Variants in ACTR5 observed in about 807,000 individuals in gnomAD.
The protein encoded by ACTR5 is actin related protein 5.
Under a neutral mutation model 61.2 loss-of-function variants are expected in ACTR5, and 43 were observed. The observed-to-expected ratio is 0.70, with a 90% confidence interval of 0.55 to 0.91. The LOEUF (loss-of-function observed/expected upper bound fraction) is 0.91. Among genes scored for constraint, ACTR5 ranks in the 40% least tolerant of loss-of-function variants. ACTR5 has a pLI of 0.00. For missense variants in ACTR5, 798 were observed against 782.2 expected, an observed-to-expected ratio of 1.02 and a Z score of -0.24; for synonymous variants, 333 against 310.5, an observed-to-expected ratio of 1.07 and a Z score of -0.76.
chr20:38,768,295 T>C (rs2084500149), intron 8 of ACTR5, among the ~76,000 whole-genome samples: 1 of 152,104 alleles, frequency 6.6e-6, no homozygotes, highest in African/African-American at 2.4e-5. Context: ...TGTAATAAAC[T>C]CTCAGACATG....
At position 38,754,978 on chromosome 20, in the gene ACTR5, C is replaced by G. The variant is rs776014468; in HGVS notation, c.797C>G (p.Pro266Arg). 6.2e-7 allele frequency: 1 copy of G among 1,614,168 alleles called. No homozygotes were observed. Among genetic ancestry groups the G allele is most frequent in the Non-Finnish European group, 8.5e-7 (1 of 1,180,036 alleles). ...GAAGAATTACACAAATGGCGGTGTC[C>G]TGATTATTATGAGAATAATGTCCAC... ...YVEELHKWRCPDYYENNVHKM... is the reference protein window; with the variant it reads ...YVEELHKWRCRDYYENNVHKM... The change falls in exon 4 of 9, where the codon CCT becomes CGT. Residue 266 changes from proline (P) to arginine (R), a missense_variant. Pro to Arg is a moderately radical substitution (Grantham distance 103). Transcript: ENST00000243903.
rs111586858 is a variant in ACTR5 at position 38,767,471 on chromosome 20, A to G, written c.1441A>G (p.Lys481Glu). The G allele has an allele frequency of 0.02, 32,884 of 1,613,872 alleles. 415 individuals are homozygous for G. Among genetic ancestry groups the G allele is most frequent in the Middle Eastern group, 0.069 (420 of 6,060 alleles). Residue 481 changes from lysine to glutamate, a missense_variant, in exon 8 of 9, where the codon AAG (lysine) becomes GAG (glutamate). Transcript: ENST00000243903. The part of the protein sequence containing the change: ...TLQYILDRYP[K>E]DIQEMLVQNV... ...GAGTTGTTTCTTTCCTAGGTACCCA[A>G]AGGACATTCAGGAAATGCTGGTTCA... is the stretch of plus-strand genomic sequence containing the variant.
At chr20:38,762,673 G>C (rs981882913) in intron 5 of ACTR5, among the ~76,000 whole-genome samples, 2 of 152,182 alleles carry the variant, frequency 1.3e-5, no homozygotes, top group Admixed American at 6.5e-5. Flanking sequence ...GAGGGATGAC[G>C]GCAAAAGTGA....
At position 38,752,274 on chromosome 20, in the gene ACTR5, G is replaced by A; in HGVS notation, c.749G>A (p.Ser250Asn). The part of the protein sequence containing the change: ...SRMEEILHEH[S>N]YIAEDYVEEL... ...ATGGAGGAGATTCTGCATGAGCACA[G>A]CTACATCGCTGAGGATTATGTGGAA... Residue 250 changes from serine (S) to asparagine (N), a missense_variant, in exon 3 of 9, where the codon AGC (serine) becomes AAC (asparagine). Coordinates refer to ENST00000243903, the MANE Select transcript of ACTR5 (RefSeq NM_024855.4). 1 of 1,612,242 alleles carries A rather than the reference G, an allele frequency of 6.2e-7. No homozygotes were observed.
intron 3 of ACTR5, 65 bp downstream of exon 3, chr20:38,752,365 G>A (rs1184634030): frequency 6.7e-7 from 1 of 1,495,326 alleles, no homozygotes; most frequent in African/African-American, 1.4e-5. Context: ...TTAAATTATT[G>A]CCAGCATGAT....
chr20:38,751,275 A>C (rs2084385692), intron 2 of ACTR5, among the ~76,000 whole-genome samples: 1 of 152,228 alleles, frequency 6.6e-6, no homozygotes, highest in African/African-American at 2.4e-5. Flanking sequence ...AAATGAGATA[A>C]GGTAGGTAAT....
chr20:38,768,748 A>C (rs2084503009), intron 8 of ACTR5, among the ~76,000 whole-genome samples: 1 of 152,138 alleles, frequency 6.6e-6, no homozygotes, highest in South Asian at 2.1e-4. Context: ...CCCAATATCC[A>C]AGTTCCCAGA....
chr20:38,764,534 G>C (rs911539676), intron 5 of ACTR5, among the ~76,000 whole-genome samples: 5 of 152,174 alleles, frequency 3.3e-5, no homozygotes, highest in African/African-American at 9.7e-5. Flanking sequence ...GGTTCATTGT[G>C]GTCATAGAGG....
chr20:38,767,429 T>C, intron 7 of ACTR5, 35 bp from the exon 8 acceptor site: 1 of 1,585,578 alleles, frequency 6.3e-7, no homozygotes. Context: ...GATATTTGAG[T>C]TAAGGGACTA....
chr20:38,751,780 C>T (rs1280864847), intron 2 of ACTR5, among the ~76,000 whole-genome samples: 1 of 152,200 alleles, frequency 6.6e-6, no homozygotes, highest in Non-Finnish European at 1.5e-5. Flanking sequence ...GGCCCCACCC[C>T]AGAGCAGCTG....
rs2084524959 is a variant in ACTR5 at position 38,772,400 on chromosome 20, C to T, written c.*584C>T. ...GAGGCTATCGTGTGCTGTGATCGCA[C>T]CTGTGAATAACCACTGCACTCCAGC... On this transcript the variant is annotated 3_prime_UTR_variant, in exon 9 of 9. Coordinates refer to ENST00000243903, the MANE Select transcript of ACTR5 (RefSeq NM_024855.4). The T allele has an allele frequency of 6.5e-6, 1 of 154,838 alleles. No individual in the cohort carries two copies. Among genetic ancestry groups the T allele is most frequent in the Non-Finnish European group, 1.4e-5 (1 of 69,898 alleles). 9.6% of individuals were successfully genotyped at this position (154,838 alleles called of 1,614,324 possible). A position where few individuals can be genotyped will look rare whatever the true frequency, so the allele number is the denominator to read the frequency against.
chr20:38,754,685 C>G (rs1017111483), intron 3 of ACTR5, among the ~76,000 whole-genome samples: 2 of 152,162 alleles, frequency 1.3e-5, no homozygotes, highest in Admixed American at 6.5e-5. Context: ...CACCACTGCA[C>G]TCCAGCTAGG....
chr20:38,768,559 G>T (rs1471148361), intron 8 of ACTR5, among the ~76,000 whole-genome samples: 2 of 152,224 alleles, frequency 1.3e-5, no homozygotes, highest in Non-Finnish European at 2.9e-5. Flanking sequence ...AACCAGGGAA[G>T]CTTGTAGGAG....
intron 5 of ACTR5, among the ~76,000 whole-genome samples, chr20:38,756,815 A>C (rs1239707800): frequency 6.6e-6 from 1 of 152,222 alleles, no homozygotes; most frequent in Non-Finnish European, 1.5e-5. Context: ...GAGGCAGGAG[A>C]ATCACTTGAA....
At chr20:38,771,269 G>A (rs1030163464) in intron 8 of ACTR5, among the ~76,000 whole-genome samples, 7 of 152,220 alleles carry the variant, frequency 4.6e-5, no homozygotes, top group African/African-American at 1.7e-4. Flanking sequence ...GACAGCTTGT[G>A]GTTGACAGCA....
rs1460079421 is a variant in ACTR5, at chr20:38,767,579, T to G, written c.1549T>G (p.Phe517Val). 1 of 1,612,602 alleles carries G rather than the reference T, an allele frequency of 6.2e-7. No homozygotes were observed. Among genetic ancestry groups the G allele is most frequent in the East Asian group, 2.2e-5 (1 of 44,880 alleles). ...GAAGGAACTGTTGGAGATGAGACCC[T>G]TCCGGTCTTCTTTTCAGGTACTGAT... is the stretch of plus-strand genomic sequence containing the variant. ...MEKELLEMRP[F>V]RSSFQVQLAS... Residue 517 changes from phenylalanine to valine, a missense_variant, in exon 8 of 9, where the codon TTC (phenylalanine) becomes GTC (valine). By Grantham distance (50) the Phe-to-Val change is conservative (BLOSUM62 -1). Coordinates refer to ENST00000243903, the MANE Select transcript of ACTR5 (RefSeq NM_024855.4).
At chr20:38,751,794 C>T (rs1172863727) in intron 2 of ACTR5, among the ~76,000 whole-genome samples, 1 of 152,144 alleles carries the variant, frequency 6.6e-6, no homozygotes, top group East Asian at 1.9e-4. Context: ...GCAGCTGTGT[C>T]CTGGGAATTG....
chr20:38,755,774 T>C, intron 4 of ACTR5, 83 bp from the exon 5 acceptor site: 1 of 1,517,378 alleles, frequency 6.6e-7, no homozygotes, highest in Non-Finnish European at 9.1e-7. Flanking sequence ...CCAGGGGAGC[T>C]CTGGAAGCCC....
At chr20:38,765,633 C>A in intron 6 of ACTR5, 115 bp downstream of exon 6, 1 of 825,376 alleles carries the variant, frequency 1.2e-6, no homozygotes, top group Non-Finnish European at 2.0e-6. Flanking sequence ...AAATTGGGTA[C>A]CAATACTTAA....
Sources: allele counts gnomAD v4.1 joint callset (sites outside exome capture counted in the v4.1 genomes callset), GRCh38; gene constraint gnomAD v4.1.1; transcripts MANE v1.5; gene names NCBI Gene and HGNC (gene_info 2026-07-23, HGNC 2026-07-21).